Variants in DPP6 observed in about 807,000 individuals in gnomAD.
The protein encoded by DPP6 is A-type potassium channel modulatory protein DPP6.
Under a neutral mutation model 122.6 loss-of-function variants are expected in DPP6, and 69 were observed. That is an observed-to-expected ratio of 0.56 (90% CI 0.46 to 0.69). The LOEUF is 0.69. Among genes scored for constraint, DPP6 ranks in the 30% least tolerant of loss-of-function variants. DPP6 has a pLI of 0.00. For synonymous variants in DPP6, 418 were observed against 433.1 expected, an observed-to-expected ratio of 0.97 and a Z score of 0.43; for missense variants, 928 against 1,116.9, an observed-to-expected ratio of 0.83 and a Z score of 2.41.
intron 1 of DPP6, among the ~76,000 whole-genome samples, chr7:154,262,669 A>T (rs1425172135): frequency 1.8e-5 from 2 of 109,534 alleles, no homozygotes; most frequent in African/African-American, 6.5e-5. Context: ...AAAAAAAAAA[A>T]AAAGACTAGA....
the DPP6 span, among the ~76,000 whole-genome samples, chr7:153,836,931 G>T: frequency 6.6e-6 from 1 of 152,154 alleles, no homozygotes; most frequent in Non-Finnish European, 1.5e-5. Flanking sequence ...CTATCTTGTG[G>T]CTCATAAGAG....
At chr7:153,891,957 G>GT (rs1242726170) in intron 1 of DPP6, among the ~76,000 whole-genome samples, 1 of 152,194 alleles carries the variant, frequency 6.6e-6, no homozygotes, top group Non-Finnish European at 1.5e-5. Context: ...ATTGTTGTTG[G>GT]TTTTAAATGA....
At chr7:154,339,312 G>A (rs1196419918) in intron 1 of DPP6, among the ~76,000 whole-genome samples, 1 of 152,192 alleles carries the variant, frequency 6.6e-6, no homozygotes, top group African/African-American at 2.4e-5. Flanking sequence ...GGTGGGACAG[G>A]GCTTCAGGCT....
chr7:153,983,356 A>G (rs1000685317), intron 1 of DPP6, among the ~76,000 whole-genome samples: 15 of 152,188 alleles, frequency 9.9e-5, no homozygotes, highest in African/African-American at 3.1e-4. Flanking sequence ...TGAGGGGAAA[A>G]CCACGTACTC....
chr7:154,529,438 C>T (rs554248824), intron 3 of DPP6, among the ~76,000 whole-genome samples: 2 of 152,118 alleles, frequency 1.3e-5, no homozygotes, highest in African/African-American at 2.4e-5. Context: ...TCACATTTAT[C>T]GGGAGATAAT....
At chr7:154,795,785 A>G (rs377711361) in intron 11 of DPP6, 60 bp from the exon 12 acceptor site, 19 of 1,103,264 alleles carry the variant, frequency 1.7e-5, no homozygotes, top group Middle Eastern at 4.4e-4. Context: ...CAATACATGC[A>G]AAAAAAAAAA....
chr7:154,436,887 C>CT, intron 1 of DPP6, among the ~76,000 whole-genome samples: 1 of 152,284 alleles, frequency 6.6e-6, no homozygotes, highest in Middle Eastern at 3.4e-3. Context: ...CACTGTGGAA[C>CT]TTTTTACAAA....
At chr7:154,425,119 G>A (rs1052930863) in intron 1 of DPP6, among the ~76,000 whole-genome samples, 104 of 152,184 alleles carry the variant, frequency 6.8e-4, no homozygotes, top group African/African-American at 2.3e-3. Flanking sequence ...GACTCACTCA[G>A]CAGCAGCTTT....
chr7:153,955,126 A>T (rs1004286746), intron 1 of DPP6, among the ~76,000 whole-genome samples: 3 of 152,206 alleles, frequency 2.0e-5, no homozygotes. Context: ...AAGTTCTGTC[A>T]TAATGTTGTT....
chr7:154,854,571 C>T (rs1279887737), intron 17 of DPP6, among the ~76,000 whole-genome samples: 1 of 152,162 alleles, frequency 6.6e-6, no homozygotes, highest in South Asian at 2.1e-4. Flanking sequence ...GTGGAGACCT[C>T]TTGCTAAAGC....
At chr7:154,514,100 C>T (rs983284907) in intron 3 of DPP6, among the ~76,000 whole-genome samples, 3 of 151,992 alleles carry the variant, frequency 2.0e-5, no homozygotes, top group African/African-American at 7.3e-5. Context: ...ATGGTGAAAC[C>T]CTGTCTCTAC....
At chr7:154,150,953 A>C (rs917318408) in intron 1 of DPP6, among the ~76,000 whole-genome samples, 3 of 151,986 alleles carry the variant, frequency 2.0e-5, no homozygotes, top group Non-Finnish European at 4.4e-5. Flanking sequence ...TCCCTCCTCC[A>C]CACCTGTTCC....
intron 3 of DPP6, among the ~76,000 whole-genome samples, chr7:154,504,347 A>C (rs766972849): frequency 4.6e-5 from 7 of 152,200 alleles, no homozygotes; most frequent in Admixed American, 1.3e-4. Flanking sequence ...TGATTTCTTG[A>C]TCACCGACCT....
chr7:154,621,268 T>A (rs1428216844), intron 5 of DPP6, among the ~76,000 whole-genome samples: 2 of 152,230 alleles, frequency 1.3e-5, no homozygotes, highest in East Asian at 3.9e-4. Flanking sequence ...GTATTAAAAA[T>A]CTCCACGGTC....
At chr7:154,313,712 T>TATATATATATATATATTA in intron 1 of DPP6, among the ~76,000 whole-genome samples, 1 of 24,926 alleles carries the variant, frequency 4.0e-5, no homozygotes, top group African/African-American at 1.1e-4. Flanking sequence ...TATATATATA[T>TATATATATATATATATTA]ATACACACAC....
chr7:154,838,708 T>G (rs543463420), intron 16 of DPP6: 9 of 152,364 alleles, frequency 5.9e-5, no homozygotes, highest in African/African-American at 1.7e-4. Flanking sequence ...AGGCTTTGTG[T>G]GTGCACCTGG....
the DPP6 span, among the ~76,000 whole-genome samples, chr7:153,785,446 G>C: frequency 6.6e-6 from 1 of 151,994 alleles, no homozygotes; most frequent in Non-Finnish European, 1.5e-5. Flanking sequence ...TTTTATAGGG[G>C]TAATCTCATC....
chr7:154,002,328 T>C (rs1797725383), intron 1 of DPP6, among the ~76,000 whole-genome samples: 1 of 152,034 alleles, frequency 6.6e-6, no homozygotes, highest in African/African-American at 2.4e-5. Flanking sequence ...ATATAATTTG[T>C]AGATGACTAA....
chr7:154,195,121 G>T (rs1798801293), intron 1 of DPP6, among the ~76,000 whole-genome samples: 1 of 152,050 alleles, frequency 6.6e-6, no homozygotes, highest in African/African-American at 2.4e-5. Context: ...TTAACATTTA[G>T]GTCTGTGGTT....
Sources: gnomAD v4.1 joint callset for allele counts (sites outside exome capture counted in the v4.1 genomes callset) on GRCh38, gnomAD v4.1.1 for gene constraint, MANE v1.5 for transcripts, NCBI Gene and HGNC (gene_info 2026-07-23, HGNC 2026-07-21) for gene names.